The following CADM2 variants were observed in gnomAD, a reference collection of about 807,000 sequenced individuals.
CADM2 encodes immunoglobulin superfamily member 4D.
Under a neutral mutation model 49.8 loss-of-function variants are expected in CADM2, and 12 were observed. The ratio of observed to expected loss-of-function variants is 0.24; its 90% CI spans 0.15 to 0.39. The LOEUF is 0.39. Ranked by LOEUF, CADM2 falls within the 10% of genes least tolerant of loss-of-function variation. The pLI is 1.00. For missense variants in CADM2, 378 were observed against 492.3 expected (o/e 0.77, Z 2.20); for synonymous variants, 214 against 175.4 (o/e 1.22, Z -1.74).
intron 2 of CADM2, among the ~76,000 whole-genome samples, chr3:85,774,954 A>T (rs901109022): frequency 5.9e-5 from 9 of 151,742 alleles, no homozygotes; most frequent in Non-Finnish European, 1.5e-5. Flanking sequence ...TCTAGAAAAT[A>T]CACATACATG....
intron 1 of CADM2, among the ~76,000 whole-genome samples, chr3:85,541,849 T>C (rs2061556722): frequency 6.7e-6 from 1 of 148,438 alleles, no homozygotes. Context: ...AAATATCCTT[T>C]ATTATTATCT....
chr3:85,264,012 TAGGGAAAATGG>T (rs1180592852), intron 1 of CADM2, among the ~76,000 whole-genome samples: 3 of 152,100 alleles, frequency 2.0e-5, no homozygotes, highest in South Asian at 4.1e-4. Flanking sequence ...ACTTTATTCA[TAGGGAAAATGG>T]AGGGAAAATT....
intron 1 of CADM2, among the ~76,000 whole-genome samples, chr3:85,196,981 T>C (rs1192077959): frequency 6.6e-6 from 1 of 151,944 alleles, no homozygotes; most frequent in Non-Finnish European, 1.5e-5. Flanking sequence ...CATTATTTTG[T>C]GAATTTTATT....
At chr3:86,052,299 T>A (rs910798838) in intron 8 of CADM2, among the ~76,000 whole-genome samples, 4 of 152,172 alleles carry the variant, frequency 2.6e-5, no homozygotes, top group African/African-American at 9.6e-5. Context: ...ATCATTAAAA[T>A]TCTGGGACAT....
intron 1 of CADM2, among the ~76,000 whole-genome samples, chr3:85,353,740 T>C (rs1274847128): frequency 2.0e-5 from 3 of 150,890 alleles, no homozygotes; most frequent in African/African-American, 7.4e-5. Context: ...TCCTTTCCAC[T>C]CAATATTTTT....
chr3:85,762,185 A>C (rs539960648), intron 2 of CADM2, among the ~76,000 whole-genome samples: 25 of 152,248 alleles, frequency 1.6e-4, no homozygotes, highest in African/African-American at 6.0e-4. Flanking sequence ...CTTAAGGGAG[A>C]TAGGAGAGTT....
intron 1 of CADM2, among the ~76,000 whole-genome samples, chr3:85,610,400 TTAAA>T (rs1234207115): frequency 1.4e-4 from 21 of 152,094 alleles, no homozygotes; most frequent in African/African-American, 5.1e-4. Flanking sequence ...ATAGTTTATA[TTAAA>T]TAGTTGATAT....
intron 1 of CADM2, among the ~76,000 whole-genome samples, chr3:85,012,743 C>A (rs2034056482): frequency 6.6e-6 from 1 of 150,844 alleles, no homozygotes; most frequent in African/African-American, 2.4e-5. Context: ...ATAATGAATT[C>A]AGTTATAATT....
chr3:85,528,372 CTT>C (rs1251519749), intron 1 of CADM2, among the ~76,000 whole-genome samples: 2 of 152,178 alleles, frequency 1.3e-5, no homozygotes, highest in Non-Finnish European at 1.5e-5. Flanking sequence ...ACTGTTTTCT[CTT>C]TATAGTTTAG....
chr3:85,682,598 TTAAA>T (rs901939532), intron 1 of CADM2, among the ~76,000 whole-genome samples: 4 of 152,072 alleles, frequency 2.6e-5, no homozygotes, highest in African/African-American at 7.2e-5. Flanking sequence ...GTATAAATTA[TTAAA>T]TAATTTATAT....
At chr3:86,051,005 ACTTTT>A (rs1489116149) in intron 8 of CADM2, among the ~76,000 whole-genome samples, 3 of 152,070 alleles carry the variant, frequency 2.0e-5, no homozygotes, top group Non-Finnish European at 2.9e-5. Context: ...CTAAAAATGG[ACTTTT>A]CTTTTCTACC....
At chr3:85,972,231 G>C in intron 8 of CADM2, among the ~76,000 whole-genome samples, 1 of 151,606 alleles carries the variant, frequency 6.6e-6, no homozygotes, top group African/African-American at 2.4e-5. Context: ...AGCAAATAAA[G>C]TAAACTTTCC....
At chr3:85,716,215 G>T (rs935075671) in intron 1 of CADM2, among the ~76,000 whole-genome samples, 1 of 152,156 alleles carries the variant, frequency 6.6e-6, no homozygotes, top group Admixed American at 6.5e-5. Flanking sequence ...CCATGAGATG[G>T]TATCTTATTG....
intron 1 of CADM2, among the ~76,000 whole-genome samples, chr3:85,422,268 C>T (rs747612661): frequency 4.6e-5 from 7 of 151,856 alleles, no homozygotes; most frequent in South Asian, 2.1e-4. Context: ...TAATTATTTG[C>T]GAATGAAATA....
intron 1 of CADM2, among the ~76,000 whole-genome samples, chr3:84,988,916 A>G (rs1280211052): frequency 6.6e-6 from 1 of 152,190 alleles, no homozygotes; most frequent in Non-Finnish European, 1.5e-5. Context: ...TATTTAAAAA[A>G]TTATTAATTT....
At chr3:85,745,277 C>A (rs2068568823) in intron 2 of CADM2, among the ~76,000 whole-genome samples, 1 of 152,072 alleles carries the variant, frequency 6.6e-6, no homozygotes, top group Admixed American at 6.6e-5. Context: ...AATAAAAAAT[C>A]TCCATGCTTT....
intron 1 of CADM2, among the ~76,000 whole-genome samples, chr3:85,481,852 C>T (rs1225399333): frequency 6.7e-6 from 1 of 150,214 alleles, no homozygotes; most frequent in Non-Finnish European, 1.5e-5. Context: ...AATATAAATA[C>T]CCTGATGAAC....
At position 84,967,673 on chromosome 3, in the gene CADM2, C is replaced by T. The variant is rs541825778; in HGVS notation, c.61+8005C>T. ...TGCCCATGCTACTGACTTGAAAGAT[C>T]CATTAAAATAAATTAATGGGGAATG... On this transcript the variant is annotated intron_variant, in intron 1 of 9. Transcript: ENST00000383699. 1.7e-3 allele frequency among the ~76,000 whole-genome samples: 253 copies of T among 152,020 alleles called. 1 individual carries two copies. The highest frequency in any genetic ancestry group is 2.7e-3 in the Non-Finnish European group (186 of 67,938).
At chr3:85,146,292 A>G (rs1230346647) in intron 1 of CADM2, among the ~76,000 whole-genome samples, 2 of 152,134 alleles carry the variant, frequency 1.3e-5, no homozygotes, top group African/African-American at 4.8e-5. Flanking sequence ...TGTGCTTTGT[A>G]TTAGGGTATA....
Sources: allele counts gnomAD v4.1 joint callset (sites outside exome capture counted in the v4.1 genomes callset), GRCh38; gene constraint gnomAD v4.1.1; transcripts MANE v1.5; gene names NCBI Gene and HGNC (gene_info 2026-07-23, HGNC 2026-07-21).